Variants in AUTS2 observed in about 807,000 individuals in gnomAD.
AUTS2 encodes the protein activator of transcription and developmental regulator AUTS2, also known as autism susceptibility gene 2 protein.
Under a neutral mutation model 112.4 loss-of-function variants are expected in AUTS2, and 17 were observed. The observed-to-expected ratio is 0.15, with a 90% CI of 0.10 to 0.23. The LOEUF is 0.23. Among genes scored for constraint, AUTS2 ranks in the 10% least tolerant of loss-of-function variants. The pLI, the probability that AUTS2 is intolerant of heterozygous loss-of-function variation, is 1.00. For missense variants in AUTS2, 1,510 were observed against 1,701.6 expected (o/e 0.89, Z 1.98); for synonymous variants, 751 against 702.7 (o/e 1.07, Z -1.09).
chr7:69,855,771 C>T (rs1405632781), intron 1 of AUTS2, among the ~76,000 whole-genome samples: 1 of 152,032 alleles, frequency 6.6e-6, no homozygotes, highest in Admixed American at 6.5e-5. Flanking sequence ...GTGTGTGTTC[C>T]GTAAAGAACA....
chr7:69,883,128 G>A (rs1052676952), intron 1 of AUTS2, among the ~76,000 whole-genome samples: 11 of 152,132 alleles, frequency 7.2e-5, no homozygotes, highest in Admixed American at 6.5e-5. Flanking sequence ...GGACTCAGAT[G>A]TAACCGCCAC....
intron 2 of AUTS2, among the ~76,000 whole-genome samples, chr7:70,055,448 C>A (rs1446932088): frequency 2.0e-5 from 3 of 151,978 alleles, no homozygotes; most frequent in Non-Finnish European, 4.4e-5. Context: ...AAAAAAAATT[C>A]TATATTTGAT....
chr7:70,157,345 C>G (rs925624388), intron 4 of AUTS2, among the ~76,000 whole-genome samples: 6 of 152,124 alleles, frequency 3.9e-5, no homozygotes, highest in African/African-American at 1.4e-4. Flanking sequence ...GTGGTGTAAT[C>G]TTGGCTCATT....
intron 4 of AUTS2, among the ~76,000 whole-genome samples, chr7:70,207,968 G>A (rs1414339946): frequency 1.5e-5 from 2 of 129,478 alleles, no homozygotes; most frequent in African/African-American, 3.0e-5. Context: ...TCGAGATTGC[G>A]CCATTGCACT....
At chr7:70,209,388 G>A (rs182414024) in intron 4 of AUTS2, among the ~76,000 whole-genome samples, 3 of 152,262 alleles carry the variant, frequency 2.0e-5, no homozygotes, top group Admixed American at 2.0e-4. Flanking sequence ...GCCAATTGAC[G>A]GCTAAGAAAA....
chr7:70,170,483 A>G (rs1808618156), intron 4 of AUTS2, among the ~76,000 whole-genome samples: 1 of 151,742 alleles, frequency 6.6e-6, no homozygotes, highest in African/African-American at 2.4e-5. Flanking sequence ...GTTTTATATT[A>G]TTTCCATTTC....
chr7:70,147,271 T>C (rs1807178459), intron 4 of AUTS2, among the ~76,000 whole-genome samples: 1 of 151,642 alleles, frequency 6.6e-6, no homozygotes, highest in Non-Finnish European at 1.5e-5. Context: ...ACAATCTACA[T>C]GTTTAAACAT....
chr7:70,164,870 C>G (rs1029634568), intron 4 of AUTS2, among the ~76,000 whole-genome samples: 1 of 151,724 alleles, frequency 6.6e-6, no homozygotes, highest in African/African-American at 2.4e-5. Flanking sequence ...AAAAAGGTGA[C>G]TGTTCAAGAT....
intron 1 of AUTS2, among the ~76,000 whole-genome samples, chr7:69,792,270 C>T (rs1403047661): frequency 2.0e-5 from 3 of 149,864 alleles, no homozygotes; most frequent in Non-Finnish European, 4.4e-5. Flanking sequence ...GACGGAGTCT[C>T]GCTCTGTCGC....
In AUTS2 at chr7:69,875,081, C is replaced by T. The variant is rs1401593270; in HGVS notation, c.310-24205C>T. Among the ~76,000 whole-genome samples, 3 of 151,680 alleles carry T rather than the reference C, an allele frequency of 2.0e-5. No individual in the cohort carries two copies. The East Asian group carries it at 5.8e-4, about 29-fold the overall frequency. ...TCTTTCACTGAATTCCTCTGTGGAT[C>T]CATTGATCACGCTTTGCATATTTAT... On this transcript the variant is annotated intron_variant, in intron 1 of 18. Transcript: ENST00000342771.
chr7:69,702,095 G>C (rs1797840391), intron 1 of AUTS2, among the ~76,000 whole-genome samples: 1 of 152,190 alleles, frequency 6.6e-6, no homozygotes, highest in Admixed American at 6.5e-5. Flanking sequence ...GGGACTTCGA[G>C]AGGTCAATGT....
intron 2 of AUTS2, among the ~76,000 whole-genome samples, chr7:70,082,414 G>A (rs1410642498): frequency 6.6e-6 from 1 of 152,168 alleles, no homozygotes; most frequent in Non-Finnish European, 1.5e-5. Flanking sequence ...GAGGAAAGAG[G>A]GGAGGTTTTA....
chr7:70,599,058 T>C (rs1355407848), intron 5 of AUTS2, among the ~76,000 whole-genome samples: 1 of 152,236 alleles, frequency 6.6e-6, no homozygotes, highest in Non-Finnish European at 1.5e-5. Context: ...TTTCCTTTCA[T>C]CTTTCTTCCC....
At chr7:70,441,486 A>C (rs527813688) in intron 5 of AUTS2, among the ~76,000 whole-genome samples, 1 of 152,146 alleles carries the variant, frequency 6.6e-6, no homozygotes, top group Non-Finnish European at 1.5e-5. Flanking sequence ...CCTGGACTCA[A>C]GCAGTCCTCC....
rs868458084 is a variant in AUTS2 at position 70,158,884 on chromosome 7, A to G, written c.660+24313A>G. Among the ~76,000 whole-genome samples the G allele has an allele frequency of 4.6e-5, 7 of 152,244 alleles. No individual in the cohort carries two copies. The Middle Eastern group carries it at 0.01, about 222-fold the overall frequency. ...ATCTACCTATGATATACTCAAGGCA[A>G]TAAATATATAAATAATCATCTACAT... On this transcript the variant is annotated intron_variant, in intron 4 of 18. Transcript: ENST00000342771.
At chr7:70,132,927 A>G (rs1224245254) in intron 3 of AUTS2, among the ~76,000 whole-genome samples, 2 of 152,068 alleles carry the variant, frequency 1.3e-5, no homozygotes, top group African/African-American at 4.8e-5. Context: ...GCTGGTGGAG[A>G]CCTAACTTGG....
Position 70,059,984 on chromosome 7 carries a change from A to AT in AUTS2, c.523-58142dup, listed in dbSNP as rs1802170272. On this transcript the variant is annotated intron_variant, in intron 2 of 18. Transcript: ENST00000342771. ...TTAATTGTTCACCACTTTAGACTAAATTTTTTCTACAGGTGGTGCAAGTTA... is the reference window on the plus strand; with the variant it reads ...TTAATTGTTCACCACTTTAGACTAAATTTTTTTCTACAGGTGGTGCAAGTTA... Among the ~76,000 whole-genome samples, 3 of 152,234 alleles carry AT rather than the reference A, an allele frequency of 2.0e-5. No individual in the cohort carries two copies. The South Asian group carries it at 6.2e-4, about 32-fold the overall frequency.
chr7:70,188,286 C>T (rs1809709357), intron 4 of AUTS2, among the ~76,000 whole-genome samples: 2 of 152,030 alleles, frequency 1.3e-5, no homozygotes, highest in Non-Finnish European at 2.9e-5. Flanking sequence ...AAGATCCGGG[C>T]TTGAAAGGCC....
At position 70,192,856 on chromosome 7, in the gene AUTS2, A is replaced by G. The variant is rs77436038; in HGVS notation, c.660+58285A>G. Among the ~76,000 whole-genome samples, 58 of 152,304 alleles carry G rather than the reference A, an allele frequency of 3.8e-4. 1 individual carries two copies. In the East Asian group the frequency reaches 0.011, roughly 29 times the overall value. The stretch of plus-strand genomic sequence containing the variant: ...CTCATTTAAGGAGCAAATGACATGG[A>G]CGGGGGGAGTCAAAATGATAAAGGG... On this transcript the variant is annotated intron_variant, in intron 4 of 18. Transcript: ENST00000342771.
Sources: allele counts gnomAD v4.1 joint callset (sites outside exome capture counted in the v4.1 genomes callset), GRCh38; gene constraint gnomAD v4.1.1; transcripts MANE v1.5; gene names NCBI Gene and HGNC (gene_info 2026-07-23, HGNC 2026-07-21).